Variants in TSPEAR observed in about 807,000 individuals in gnomAD.
TSPEAR encodes thrombospondin-type laminin G domain and EAR repeat-containing protein.
Under a neutral mutation model 71.6 loss-of-function variants are expected in TSPEAR, and 69 were observed. The observed-to-expected ratio is 0.96, with a 90% confidence interval of 0.79 to 1.18. The LOEUF is 1.18. Ranked by LOEUF, TSPEAR falls within the 50% of genes most tolerant of loss-of-function variation. The pLI is 0.00. For missense variants in TSPEAR, 971 were observed against 894.9 expected, an observed-to-expected ratio of 1.09 and a Z score of -1.09; for synonymous variants, 402 against 387.2, an observed-to-expected ratio of 1.04 and a Z score of -0.45.
intron 1 of TSPEAR, among the ~76,000 whole-genome samples, chr21:44,578,829 T>C (rs1405436093): frequency 1.3e-5 from 2 of 152,160 alleles, no homozygotes; most frequent in East Asian, 1.9e-4. Flanking sequence ...GTGTCGCCCA[T>C]GTCAACCTCA....
chr21:44,637,313 C>G (rs1555936899), intron 1 of TSPEAR: 2 of 1,444,614 alleles, frequency 1.4e-6, no homozygotes, highest in Non-Finnish European at 1.9e-6. Context: ...AAACACAGGC[C>G]CTGGGCATAT....
In TSPEAR at chr21:44,601,242, G is replaced by C. The variant is rs782251395; in HGVS notation, c.83-33237C>G. On this transcript the variant is annotated intron_variant, in intron 1 of 11. Transcript: ENST00000323084. ...GCTGCATCAGCTCCTGCACGCCCTC[G>C]TGCTGCCAGCAGTCTAGCTGCAAGC... 6 of 1,598,248 alleles carry C rather than the reference G, an allele frequency of 3.8e-6. No individual in the cohort carries two copies. The African/African-American group carries it at 8.9e-5, about 24-fold the overall frequency.
intron 1 of TSPEAR, chr21:44,579,990 T>C (rs782577974): frequency 3.1e-6 from 5 of 1,609,584 alleles, no homozygotes; most frequent in Non-Finnish European, 4.2e-6. Flanking sequence ...CAGCATGAAG[T>C]GGAAGCCCCA....
intron 1 of TSPEAR, chr21:44,579,640 G>T (rs1308548093): frequency 5.8e-6 from 7 of 1,216,294 alleles, no homozygotes; most frequent in Non-Finnish European, 8.0e-6. Flanking sequence ...TATGGAGGGG[G>T]GGGTCACCTC....
intron 2 of TSPEAR, among the ~76,000 whole-genome samples, chr21:44,557,489 GA>G (rs587609560): frequency 1.1e-3 from 162 of 152,308 alleles, no homozygotes; most frequent in African/African-American, 3.7e-3. Flanking sequence ...GTGAGAAGAT[GA>G]TGAGTGGGGG....
At chr21:44,518,038 T>G (rs1347963197) in intron 9 of TSPEAR, among the ~76,000 whole-genome samples, 2 of 152,206 alleles carry the variant, frequency 1.3e-5, no homozygotes, top group African/African-American at 4.8e-5. Flanking sequence ...AAGATACTCT[T>G]AACTTTATAT....
chr21:44,639,788 C>T (rs782679819), intron 1 of TSPEAR, among the ~76,000 whole-genome samples: 1 of 152,252 alleles, frequency 6.6e-6, no homozygotes. Flanking sequence ...GGCTCTCTGA[C>T]CTCCTCCACA....
chr21:44,621,756 G>C (rs782749296), intron 1 of TSPEAR, among the ~76,000 whole-genome samples: 1 of 152,250 alleles, frequency 6.6e-6, no homozygotes, highest in Non-Finnish European at 1.5e-5. Flanking sequence ...AGTTGGCTCT[G>C]TAGGAAAGCT....
rs587628888 is a variant in TSPEAR, at chr21:44,579,477, T to C, written c.83-11472A>G. 5.4e-4 allele frequency: 295 copies of C among 550,468 alleles called. 3 individuals carry two copies. The highest frequency in any genetic ancestry group is 5.1e-3 in the African/African-American group (271 of 53,110). 34.1% of individuals were successfully genotyped at this position (550,468 alleles called of 1,614,324 possible). ...GAATCAGGCGACCAAGGGGAGTTTATTGGGGAGCAGGAGGAGGTGCTGACA... is the reference window on the plus strand; with the variant it reads ...GAATCAGGCGACCAAGGGGAGTTTACTGGGGAGCAGGAGGAGGTGCTGACA... On this transcript the variant is annotated intron_variant, in intron 1 of 11. Coordinates refer to ENST00000323084, the MANE Select transcript of TSPEAR (RefSeq NM_144991.3).
chr21:44,591,298 G>T (rs1016006773), intron 1 of TSPEAR: 10 of 1,492,994 alleles, frequency 6.7e-6, no homozygotes, highest in Non-Finnish European at 8.1e-6. Context: ...ATCTTCTGAG[G>T]GTGTCAAAGC....
chr21:44,501,006 A>C (rs1213085897), intron 11 of TSPEAR, among the ~76,000 whole-genome samples: 1 of 152,124 alleles, frequency 6.6e-6, no homozygotes, highest in African/African-American at 2.4e-5. Context: ...CTTCTTTTTC[A>C]CATTTGGACT....
chr21:44,526,942 G>A (rs376005226), intron 7 of TSPEAR, among the ~76,000 whole-genome samples: 8 of 152,362 alleles, frequency 5.3e-5, no homozygotes, highest in African/African-American at 1.4e-4. Flanking sequence ...GATCAGGAAT[G>A]TCCATTTTCT....
chr21:44,697,671 G>A (rs782405924), intron 1 of TSPEAR: 4 of 1,613,176 alleles, frequency 2.5e-6, no homozygotes, highest in Non-Finnish European at 3.4e-6. Context: ...CCCGTCTGCT[G>A]CAAGCCCATC....
At chr21:44,571,945 G>C (rs1437823021) in intron 1 of TSPEAR, among the ~76,000 whole-genome samples, 1 of 152,238 alleles carries the variant, frequency 6.6e-6, no homozygotes, top group Non-Finnish European at 1.5e-5. Context: ...GTGCGGGCGA[G>C]GCCCCCGGAG....
At chr21:44,503,902 TG>T (rs2052116858) in intron 11 of TSPEAR, among the ~76,000 whole-genome samples, 2 of 136,322 alleles carry the variant, frequency 1.5e-5, no homozygotes, top group East Asian at 2.3e-4. Context: ...AGCAATGTGC[TG>T]GGAGGAAGCT....
chr21:44,568,022 A>G lies in TSPEAR; in HGVS notation c.83-17T>C. 1 of 1,501,538 alleles carries G rather than the reference A, an allele frequency of 6.7e-7. No individual in the cohort carries two copies. Among genetic ancestry groups the G allele is most frequent in the South Asian group, 1.4e-5 (1 of 72,690 alleles). 93.0% of individuals were successfully genotyped at this position (1,501,538 alleles called of 1,614,324 possible). Reference sequence around the variant, plus strand: ...GGCGCAGGTCTGTGGCAAAGAAATCACAGGTGGGTTAGGCCAGGACACCCC... The same window carrying G: ...GGCGCAGGTCTGTGGCAAAGAAATCGCAGGTGGGTTAGGCCAGGACACCCC... On this transcript the variant is annotated splice_polypyrimidine_tract_variant and intron_variant, in intron 1 of 11. Coordinates refer to ENST00000323084, the MANE Select transcript of TSPEAR (RefSeq NM_144991.3).
At chr21:44,697,211 T>C in intron 1 of TSPEAR, 3 of 1,613,822 alleles carry the variant, frequency 1.9e-6, no homozygotes, top group African/African-American at 1.3e-5. Flanking sequence ...CATGTCCGTC[T>C]GCTCCAGCGA....
chr21:44,594,877 C>G (rs1555927441), intron 1 of TSPEAR, among the ~76,000 whole-genome samples: 1 of 140,448 alleles, frequency 7.1e-6, no homozygotes, highest in African/African-American at 2.8e-5. Context: ...GGCTGGAGTG[C>G]AGTGGTACGA....
intron 1 of TSPEAR, among the ~76,000 whole-genome samples, chr21:44,599,540 C>T (rs1980632961): frequency 6.6e-6 from 1 of 152,230 alleles, no homozygotes; most frequent in Non-Finnish European, 1.5e-5. Flanking sequence ...ACCTCCCTCC[C>T]TGGTGGGGTC....
Sources: allele counts gnomAD v4.1 joint callset (sites outside exome capture counted in the v4.1 genomes callset), GRCh38; gene constraint gnomAD v4.1.1; transcripts MANE v1.5; gene names NCBI Gene and HGNC (gene_info 2026-07-23, HGNC 2026-07-21).